Variants in PAX9 observed in about 807,000 individuals in gnomAD.
PAX9 encodes paired box 9.
A neutral mutation model predicts 29.1 loss-of-function variants in PAX9; 6 were observed. The ratio of observed to expected loss-of-function variants is 0.21; its 90% CI spans 0.11 to 0.41. The LOEUF is 0.41. Ranked by LOEUF, PAX9 falls within the 10% of genes least tolerant of loss-of-function variation. The pLI is 1.00. For missense variants in PAX9, 443 were observed against 479.1 expected (o/e 0.92, Z 0.70); for synonymous variants, 217 against 211.7 (o/e 1.03, Z -0.22).
chr14:36,678,595 C>G lies in PAX9; in HGVS notation c.*2143C>G. 6.6e-7 allele frequency: 1 copy of G among 1,508,808 alleles called. No homozygotes were observed. Among genetic ancestry groups the G allele is most frequent in the Non-Finnish European group, 8.8e-7 (1 of 1,133,696 alleles). The allele number at this position is 1,508,808 out of a possible 1,614,324, so 93.5% of individuals were successfully genotyped here. A position where few individuals can be genotyped will look rare whatever the true frequency, so the allele number is the denominator to read the frequency against. ...AGGGACTCTCCTGTCATCTGAAAAA[C>G]TGATGTAAGGTACAGAACTATTCTT... On this transcript the variant is annotated 3_prime_UTR_variant, in exon 4 of 4. Coordinates refer to ENST00000361487, the MANE Select transcript of PAX9 (RefSeq NM_001372076.1).
At chr14:36,673,560 A>AT (rs1176800251) in intron 3 of PAX9, among the ~76,000 whole-genome samples, 1 of 34,204 alleles carries the variant, frequency 2.9e-5, no homozygotes, top group Non-Finnish European at 6.8e-5. Flanking sequence ...GACCATAGAC[A>AT]TTGCAACAAA....
chr14:36,667,115 T>C (rs1025329622), intron 3 of PAX9, among the ~76,000 whole-genome samples: 2 of 152,096 alleles, frequency 1.3e-5, no homozygotes, highest in African/African-American at 4.8e-5. Context: ...CCGGTGGCTC[T>C]CGGACAAACA....
chr14:36,667,795 T>C lies in PAX9; in HGVS notation c.771+1194T>C, dbSNP rs1234979545. 2.6e-5 allele frequency among the ~76,000 whole-genome samples: 4 copies of C among 152,358 alleles called. No individual in the cohort carries two copies. In the East Asian group the frequency reaches 7.7e-4, roughly 29 times the overall value. Reference sequence around the variant, plus strand: ...AGAGCCCTTTTCCTTAGTCTGTTTCTACTGTGAAGAATGTCAATGAGAAAT... The same window carrying C: ...AGAGCCCTTTTCCTTAGTCTGTTTCCACTGTGAAGAATGTCAATGAGAAAT... On this transcript the variant is annotated intron_variant, in intron 3 of 3. Coordinates refer to ENST00000361487, the MANE Select transcript of PAX9 (RefSeq NM_001372076.1).
At chr14:36,664,256 T>G (rs952923514) in intron 2 of PAX9, among the ~76,000 whole-genome samples, 4 of 152,232 alleles carry the variant, frequency 2.6e-5, no homozygotes, top group Non-Finnish European at 5.9e-5. Context: ...GGAAGGGAAG[T>G]GGCATCAGCC....
In PAX9 at chr14:36,678,763, A is replaced by ATTTT. The variant is rs1390374058; in HGVS notation, c.*2312_*2315dup. 1.8e-6 allele frequency: 2 copies of ATTTT among 1,097,296 alleles called. No individual in the cohort carries two copies. Among genetic ancestry groups the ATTTT allele is most frequent in the East Asian group, 4.7e-5 (1 of 21,454 alleles). 68.0% of individuals were successfully genotyped at this position (1,097,296 alleles called of 1,614,324 possible). On this transcript the variant is annotated 3_prime_UTR_variant, in exon 4 of 4. Transcript: ENST00000361487. ...TTTATAATTTTTTTCTGGTTCTTGT[A>ATTTT]TTTTAAAAAATCTAATATTAATGGT...
rs191109650 is a variant in PAX9 at position 36,664,502 on chromosome 14, G to T, written c.631+979G>T. ...AGCGTCCTTTCTGCCTTGTCAGAAG[G>T]ATTCCCCGAGCCCTCCTGCCCAGTC... On this transcript the variant is annotated intron_variant, in intron 2 of 3. Transcript: ENST00000361487. Among the ~76,000 whole-genome samples, 131 of 151,520 alleles carry T rather than the reference G, an allele frequency of 8.6e-4. 1 individual carries two copies. Among genetic ancestry groups the T allele is most frequent in the Non-Finnish European group, 1.6e-3 (108 of 67,976 alleles).
chr14:36,667,481 T>C (rs1487192234), intron 3 of PAX9, among the ~76,000 whole-genome samples: 1 of 152,144 alleles, frequency 6.6e-6, no homozygotes, highest in Non-Finnish European at 1.5e-5. Context: ...CCCAGTAGGT[T>C]TGCAAATCTC....
intron 3 of PAX9, among the ~76,000 whole-genome samples, chr14:36,672,415 T>C (rs987390361): frequency 9.9e-5 from 15 of 152,224 alleles, no homozygotes; most frequent in African/African-American, 3.6e-4. Context: ...CAAACATCAA[T>C]GCTACCTGTA....
At chr14:36,667,712 T>C (rs951462521) in intron 3 of PAX9, among the ~76,000 whole-genome samples, 3 of 152,180 alleles carry the variant, frequency 2.0e-5, no homozygotes, top group Non-Finnish European at 4.4e-5. Context: ...TGAAATAGAA[T>C]CAGAATACAT....
chr14:36,672,008 C>A (rs989200757), intron 3 of PAX9: 2 of 151,738 alleles, frequency 1.3e-5, no homozygotes, highest in Admixed American at 6.6e-5. Context: ...TAGAGAGCAC[C>A]CTTGCACAGT....
upstream of PAX9, among the ~76,000 whole-genome samples, chr14:36,661,422 G>A (rs953596220): frequency 6.6e-6 from 1 of 152,192 alleles, no homozygotes. Flanking sequence ...ATCCTCTCCT[G>A]ACAGTCCCCA....
At chr14:36,664,853 T>C (rs1447566492) in intron 2 of PAX9, among the ~76,000 whole-genome samples, 1 of 152,174 alleles carries the variant, frequency 6.6e-6, no homozygotes, top group Non-Finnish European at 1.5e-5. Flanking sequence ...ACTGCAAGTT[T>C]ACAAGAGCCC....
At chr14:36,664,997 G>A (rs921302329) in intron 2 of PAX9, among the ~76,000 whole-genome samples, 1 of 151,954 alleles carries the variant, frequency 6.6e-6, no homozygotes, top group African/African-American at 2.4e-5. Context: ...GCAGAAATGG[G>A]GGCTCACAGG....
intron 2 of PAX9, 156 bp from the exon 3 acceptor site, chr14:36,666,306 G>A (rs2139112262): frequency 2.3e-6 from 2 of 863,742 alleles, no homozygotes; most frequent in Admixed American, 2.8e-5. Flanking sequence ...AAGCACAGGA[G>A]GTCGCGGCTG....
At chr14:36,672,294 A>T (rs1314264281) in intron 3 of PAX9, among the ~76,000 whole-genome samples, 1 of 150,566 alleles carries the variant, frequency 6.6e-6, no homozygotes, top group Non-Finnish European at 1.5e-5. Flanking sequence ...TAGATTTGGT[A>T]GTCTCTACTC....
At position 36,666,574 on chromosome 14, in the gene PAX9, C is replaced by T. The variant is rs1221829870; in HGVS notation, c.744C>T (p.Ala248=). ...CGGTGAACGGGTTGGAGAAGGGAGC[C>T]CTGGAGCAGGAAGCCAAGTACGGTC... is the stretch of plus-strand genomic sequence containing the variant. ...PHAVNGLEKG[A]LEQEAKYGQA... Residue 248 remains alanine, a synonymous_variant, in exon 3 of 4, where the codon GCC becomes GCT. Transcript: ENST00000361487. 6.4e-7 allele frequency: 1 copy of T among 1,573,954 alleles called. No homozygotes were observed. The highest frequency in any genetic ancestry group is 8.6e-7 in the Non-Finnish European group (1 of 1,159,532).
Position 36,662,081 on chromosome 14 carries a change from C to A in PAX9, c.-9C>A. 1 of 1,517,512 alleles carries A rather than the reference C, an allele frequency of 6.6e-7. No individual in the cohort carries two copies. Among genetic ancestry groups the A allele is most frequent in the Admixed American group, 2.0e-5 (1 of 50,750 alleles). 94.0% of individuals were successfully genotyped at this position (1,517,512 alleles called of 1,614,324 possible). Reference sequence around the variant, plus strand: ...GAACTGGGGCCGGGTTGGTGTACTGCTCGGAGCAATGGGTGAGTGGCGGCG... The same window carrying A: ...GAACTGGGGCCGGGTTGGTGTACTGATCGGAGCAATGGGTGAGTGGCGGCG... On this transcript the variant is annotated 5_prime_UTR_variant, in exon 1 of 4. An upstream open reading frame in the 5' UTR gains an earlier in-frame stop. Coordinates refer to ENST00000361487, the MANE Select transcript of PAX9 (RefSeq NM_001372076.1).
rs1241165694 is a variant in PAX9, at chr14:36,676,523, T to C, written c.*71T>C. On this transcript the variant is annotated 3_prime_UTR_variant, in exon 4 of 4. Transcript: ENST00000361487. ...AGCACCTCCTCCCCCAATTCCCAGG[T>C]CTCACATCCCACCCCTCCTGCCCTC... 5 of 1,564,502 alleles carry C rather than the reference T, an allele frequency of 3.2e-6. No homozygotes were observed. The highest frequency in any genetic ancestry group is 1.7e-5 in the Admixed American group (1 of 58,010).
intron 3 of PAX9, among the ~76,000 whole-genome samples, chr14:36,668,166 A>C (rs1477269185): frequency 6.6e-6 from 1 of 152,220 alleles, no homozygotes. Flanking sequence ...ATAGTCAAAA[A>C]GCTTCAAGAG....
Sources: allele counts gnomAD v4.1 joint callset (sites outside exome capture counted in the v4.1 genomes callset), GRCh38; gene constraint gnomAD v4.1.1; transcripts MANE v1.5; gene names NCBI Gene and HGNC (gene_info 2026-07-23, HGNC 2026-07-21).